NEXMIF: variants seen among roughly 807,000 people sequenced by gnomAD.
NEXMIF encodes the protein neurite extension and migration factor.
In NEXMIF, 8 loss-of-function variants were observed where a neutral mutation model predicts 62.1. The ratio of observed to expected loss-of-function variants is 0.13; its 90% confidence interval spans 0.08 to 0.23. The LOEUF is 0.23. NEXMIF is among the 10% of genes least tolerant of loss of function. The probability of loss-of-function intolerance (pLI) is 1.00; values close to 1 mark genes in which losing one functional copy is unlikely to be tolerated. For missense variants in NEXMIF, 976 were observed against 1,113.3 expected (o/e 0.88, Z 1.75); for synonymous variants, 404 against 416.6 (o/e 0.97, Z 0.37).
chrX:74,849,313 T>G (rs1457119314), intron 1 of NEXMIF, among the ~76,000 whole-genome samples: 3 of 112,556 alleles, frequency 2.7e-5, no homozygotes, highest in Non-Finnish European at 5.6e-5. Flanking sequence ...CTCAGCCAGA[T>G]TGGGTGGGAG....
intron 1 of NEXMIF, among the ~76,000 whole-genome samples, chrX:74,846,891 G>T (rs1363765755): frequency 8.9e-6 from 1 of 112,041 alleles, no homozygotes; most frequent in African/African-American, 3.2e-5. Context: ...TGGAGGCAAG[G>T]ATCCCATGCT....
intron 1 of NEXMIF, among the ~76,000 whole-genome samples, chrX:74,838,990 G>T (rs969328184): frequency 9.0e-6 from 1 of 111,623 alleles, no homozygotes; most frequent in Non-Finnish European, 1.9e-5. Flanking sequence ...AAGGAGTGCT[G>T]TCAATTGTCA....
At chrX:74,883,290 G>C (rs1254935449) in intron 1 of NEXMIF, among the ~76,000 whole-genome samples, 1 of 111,910 alleles carries the variant, frequency 8.9e-6, no homozygotes, top group Non-Finnish European at 1.9e-5. Context: ...GAAGAAGCTG[G>C]ATGGAGAATG....
intron 1 of NEXMIF, among the ~76,000 whole-genome samples, chrX:74,923,261 T>G (rs1398328016): frequency 8.9e-6 from 1 of 111,740 alleles, no homozygotes; most frequent in Non-Finnish European, 1.9e-5. Context: ...AGTAAGCAAA[T>G]ACGTTTTTGT....
In NEXMIF at chrX:74,838,395, T is replaced by C. The variant is rs991978593; in HGVS notation, c.-48+86488A>G. On this transcript the variant is annotated intron_variant, in intron 1 of 3. Transcript: ENST00000055682. The stretch of plus-strand genomic sequence containing the variant: ...TATTAAGTTAAATAGAAAATTAGTT[T>C]GAAGCAACTGAATCAAAGTGGGGTA... Among the ~76,000 whole-genome samples, 4 of 112,421 alleles carry C rather than the reference T, an allele frequency of 3.6e-5. No homozygotes were observed. The Admixed American group carries it at 3.8e-4, about 11-fold the overall frequency.
rs866846964 is a variant in NEXMIF at position 74,742,634 on chromosome X, G to A, written c.1923C>T (p.Ile641=). The A allele has an allele frequency of 8.3e-7, 1 of 1,211,273 alleles. No homozygotes were observed. The highest frequency in any genetic ancestry group is 1.1e-6 in the Non-Finnish European group (1 of 895,264). The change falls in exon 3 of 4, where the codon ATC becomes ATT. Residue 641 remains isoleucine, a synonymous_variant. Transcript: ENST00000055682. ...TACTTGCTGAAATTTCAATGGATGG[G>A]ATTCTTTGAATCCTGTGCCTGTTGC... ...KLGNRHRIQR[I]PSIEISASSK... is the part of the protein sequence containing the mutation.
At chrX:74,878,317 G>T (rs914936508) in intron 1 of NEXMIF, among the ~76,000 whole-genome samples, 1 of 112,032 alleles carries the variant, frequency 8.9e-6, no homozygotes, top group Non-Finnish European at 1.9e-5. Context: ...CAGGGGTCAG[G>T]GACCCACTTG....
At chrX:74,775,786 A>T (rs891617881) in intron 1 of NEXMIF, among the ~76,000 whole-genome samples, 4 of 111,372 alleles carry the variant, frequency 3.6e-5, no homozygotes, top group African/African-American at 1.3e-4. Flanking sequence ...GTTGTCACCG[A>T]GAAGCCATAG....
At chrX:74,773,543 G>GCAA (rs201767281) in intron 1 of NEXMIF, among the ~76,000 whole-genome samples, 1,686 of 111,159 alleles carry the variant, frequency 0.015, 18 homozygotes, top group Middle Eastern at 0.037. Context: ...GACTGGTAGG[G>GCAA]CAACCTTCAA....
At position 74,733,338 on chromosome X, in the gene NEXMIF, ATCT is replaced by A. The variant is rs1569333268; in HGVS notation, c.*6064_*6066del. On this transcript the variant is annotated 3_prime_UTR_variant, in exon 4 of 4. Transcript: ENST00000055682. ...CTCGAAATGTAATTTTACATGTTAA[ATCT>A]AATACATTTGGGCTTTTATTTTGCA... is the stretch of plus-strand genomic sequence containing the variant. 8.9e-6 allele frequency: 1 copy of A among 111,968 alleles called. No homozygotes were observed. Among genetic ancestry groups the A allele is most frequent in the East Asian group, 2.8e-4 (1 of 3,575 alleles). 9.2% of individuals were successfully genotyped at this position (111,968 alleles called of 1,213,427 possible).
intron 1 of NEXMIF, among the ~76,000 whole-genome samples, chrX:74,886,117 C>A (rs1208707401): frequency 8.9e-6 from 1 of 111,885 alleles, no homozygotes; most frequent in African/African-American, 3.3e-5. Context: ...GCTAAAAACT[C>A]TCAATAAATT....
At chrX:74,854,117 A>G (rs942345407) in intron 1 of NEXMIF, among the ~76,000 whole-genome samples, 3 of 111,934 alleles carry the variant, frequency 2.7e-5, no homozygotes, top group Non-Finnish European at 5.6e-5. Context: ...AGACAAGTAT[A>G]CAACAACAAC....
intron 2 of NEXMIF, 72 bp downstream of exon 2, chrX:74,745,500 T>C: frequency 1.4e-6 from 1 of 734,803 alleles, no homozygotes; most frequent in Non-Finnish European, 2.1e-6. Context: ...ACTTTGTGGG[T>C]ACTGAAAATC....
At chrX:74,923,629 G>A (rs1331953565) in intron 1 of NEXMIF, among the ~76,000 whole-genome samples, 2 of 111,772 alleles carry the variant, frequency 1.8e-5, no homozygotes, top group African/African-American at 3.3e-5. Context: ...ACAAATGGTC[G>A]TAAGGAGTTC....
chrX:74,851,161 C>A (rs139014885), intron 1 of NEXMIF, among the ~76,000 whole-genome samples: 4,777 of 110,261 alleles, frequency 0.043, 93 homozygotes, highest in African/African-American at 0.071. Context: ...TGAAATCACC[C>A]AGTCAGTCAA....
rs778172163 is a variant in NEXMIF, at chrX:74,820,198, T to C, written c.-47-74501A>G. The stretch of plus-strand genomic sequence containing the variant: ...ACTGGGGCCTGTTGGGGGGTGAGGG[T>C]TGGAGGAGGGATAGCATTAGGAGAA... On this transcript the variant is annotated intron_variant, in intron 1 of 3. Coordinates refer to ENST00000055682, the MANE Select transcript of NEXMIF (RefSeq NM_001008537.3). Among the ~76,000 whole-genome samples the C allele has an allele frequency of 3.4e-3, 372 of 108,929 alleles. 2 individuals carry two copies. Among genetic ancestry groups the C allele is most frequent in the African/African-American group, 0.012 (357 of 29,852 alleles). The allele number at this position is 108,929 out of a possible 115,157, so 94.6% of individuals were successfully genotyped here.
At chrX:74,776,960 C>G (rs774830023) in intron 1 of NEXMIF, among the ~76,000 whole-genome samples, 1 of 110,950 alleles carries the variant, frequency 9.0e-6, no homozygotes, top group Non-Finnish European at 1.9e-5. Context: ...GGGTTAAATT[C>G]TACACATTAG....
At chrX:74,817,478 G>A (rs915244554) in intron 1 of NEXMIF, among the ~76,000 whole-genome samples, 1 of 111,498 alleles carries the variant, frequency 9.0e-6, no homozygotes, top group Non-Finnish European at 1.9e-5. Context: ...TATACTAAAG[G>A]GTCAGGAAGA....
At chrX:74,856,602 G>A (rs1368157412) in intron 1 of NEXMIF, among the ~76,000 whole-genome samples, 1 of 111,447 alleles carries the variant, frequency 9.0e-6, no homozygotes, top group African/African-American at 3.3e-5. Flanking sequence ...AGAGCAAGAT[G>A]GCTGAATAGA....
Sources: gnomAD v4.1 joint callset for allele counts (sites outside exome capture counted in the v4.1 genomes callset) on GRCh38, gnomAD v4.1.1 for gene constraint, MANE v1.5 for transcripts, NCBI Gene and HGNC (gene_info 2026-07-23, HGNC 2026-07-21) for gene names.